ILRUN: variants seen among roughly 807,000 people sequenced by gnomAD.
ILRUN encodes the protein protein ILRUN.
Under a neutral mutation model 33.8 loss-of-function variants are expected in ILRUN, and 3 were observed. The observed-to-expected ratio is 0.09, with a 90% CI of 0.04 to 0.23. The LOEUF is 0.23. ILRUN is among the 10% of genes least tolerant of loss of function. ILRUN has a pLI of 1.00. For synonymous variants in ILRUN, 124 were observed against 138.9 expected, an observed-to-expected ratio of 0.89 and a Z score of 0.75; for missense variants, 210 against 375.1, an observed-to-expected ratio of 0.56 and a Z score of 3.64.
chr6:34,624,742 G>A (rs1201471900), intron 3 of ILRUN, among the ~76,000 whole-genome samples: 3 of 152,090 alleles, frequency 2.0e-5, no homozygotes, highest in Non-Finnish European at 2.9e-5. Context: ...TGTTAGTTTT[G>A]AACAATTAAG....
At chr6:34,677,454 GAT>G (rs1335010714) in intron 1 of ILRUN, among the ~76,000 whole-genome samples, 11 of 152,036 alleles carry the variant, frequency 7.2e-5, no homozygotes, top group African/African-American at 2.7e-4. Flanking sequence ...GATATGGAAA[GAT>G]AACTATAATA....
chr6:34,655,909 G>C (rs1762761604), intron 1 of ILRUN, among the ~76,000 whole-genome samples: 1 of 152,042 alleles, frequency 6.6e-6, no homozygotes, highest in African/African-American at 2.4e-5. Flanking sequence ...GTGAGATCTT[G>C]AGAGGCTGAG....
intron 3 of ILRUN, among the ~76,000 whole-genome samples, chr6:34,607,536 T>C (rs1341071647): frequency 6.6e-6 from 1 of 152,186 alleles, no homozygotes; most frequent in African/African-American, 2.4e-5. Flanking sequence ...ATACCCAATT[T>C]AACACCTGCT....
intron 1 of ILRUN, among the ~76,000 whole-genome samples, chr6:34,691,611 C>A (rs1763651545): frequency 6.6e-6 from 1 of 152,148 alleles, no homozygotes; most frequent in Admixed American, 6.5e-5. Context: ...CCTGGACAAA[C>A]ATGGTAAAAC....
intron 1 of ILRUN, among the ~76,000 whole-genome samples, chr6:34,681,354 C>T (rs1389612631): frequency 1.3e-5 from 2 of 152,172 alleles, no homozygotes; most frequent in Non-Finnish European, 2.9e-5. Flanking sequence ...AAACTGCCCC[C>T]CCTCCCAAGA....
chr6:34,626,269 T>G (rs1762127121), intron 3 of ILRUN, among the ~76,000 whole-genome samples: 1 of 152,194 alleles, frequency 6.6e-6, no homozygotes, highest in African/African-American at 2.4e-5. Flanking sequence ...CCTTCTGAGC[T>G]CAAACAATCT....
chr6:34,687,698 C>CAAAAAA (rs35852723), intron 1 of ILRUN, among the ~76,000 whole-genome samples: 4 of 125,118 alleles, frequency 3.2e-5, no homozygotes, highest in African/African-American at 1.3e-4. Flanking sequence ...ACTCCATCTC[C>CAAAAAA]AAAAAAAAAA....
chr6:34,682,259 T>TTTTTTTTTTTTTTG (rs1562031991), intron 1 of ILRUN, among the ~76,000 whole-genome samples: 2 of 54,330 alleles, frequency 3.7e-5, no homozygotes, highest in African/African-American at 2.7e-4. Flanking sequence ...CTGTTTTTTT[T>TTTTTTTTTTTTTTG]TTTTTTTTTT....
rs183625532 is a variant in ILRUN at position 34,657,117 on chromosome 6, A to G, written c.159-2338T>C. On this transcript the variant is annotated intron_variant, in intron 1 of 4. Transcript: ENST00000374023. ...ATCAGGGAGAATATGGGAGAAAAAT[A>G]AGCCTAGTTTGCAATTTGCTCTTTT... is the stretch of plus-strand genomic sequence containing the variant. 7.6e-4 allele frequency among the ~76,000 whole-genome samples: 116 copies of G among 152,348 alleles called. 2 individuals are homozygous for G. Among genetic ancestry groups the G allele is most frequent in the Admixed American group, 1.2e-3 (19 of 15,308 alleles).
intron 3 of ILRUN, among the ~76,000 whole-genome samples, chr6:34,637,300 T>C (rs1455677584): frequency 6.6e-6 from 1 of 152,222 alleles, no homozygotes; most frequent in Non-Finnish European, 1.5e-5. Flanking sequence ...AAATATGTCA[T>C]CTTTAAAACA....
At chr6:34,686,107 T>C (rs1425394228) in intron 1 of ILRUN, among the ~76,000 whole-genome samples, 2 of 152,060 alleles carry the variant, frequency 1.3e-5, no homozygotes, top group Non-Finnish European at 2.9e-5. Context: ...CATTTGTGAA[T>C]CATAGGACAT....
At chr6:34,597,692 C>T (rs1029629847) in intron 4 of ILRUN, among the ~76,000 whole-genome samples, 4 of 152,188 alleles carry the variant, frequency 2.6e-5, no homozygotes, top group Non-Finnish European at 4.4e-5. Context: ...TTGCCACTCC[C>T]CTACTCAAAA....
At chr6:34,614,433 A>T in intron 3 of ILRUN, among the ~76,000 whole-genome samples, 1 of 104,454 alleles carries the variant, frequency 9.6e-6, no homozygotes, top group South Asian at 2.6e-4. Context: ...AAAAATAATA[A>T]AAAAAAAAAA....
chr6:34,639,689 C>G (rs73411956), intron 3 of ILRUN, among the ~76,000 whole-genome samples: 3,542 of 152,292 alleles, frequency 0.023, 101 homozygotes, highest in African/African-American at 0.064. Flanking sequence ...ATACTCCACC[C>G]TCACTAAACT....
In ILRUN at chr6:34,587,590, T is replaced by A. The variant is rs1012239361; in HGVS notation, c.*2975A>T. 5.2e-5 allele frequency: 8 copies of A among 153,508 alleles called. No homozygotes were observed. The highest frequency in any genetic ancestry group is 1.9e-4 in the African/African-American group (8 of 41,466). 9.5% of individuals were successfully genotyped at this position (153,508 alleles called of 1,614,324 possible). A position where few individuals can be genotyped will look rare whatever the true frequency, so the allele number is the denominator to read the frequency against. ...CAGATTGAATTTGGGGAGGTATTTA[T>A]TCTCATGCCCATTTCCCACCATGGC... On this transcript the variant is annotated 3_prime_UTR_variant, in exon 5 of 5. Coordinates refer to ENST00000374023, the MANE Select transcript of ILRUN (RefSeq NM_024294.4).
intron 2 of ILRUN, among the ~76,000 whole-genome samples, chr6:34,651,734 TA>T (rs10618162): frequency 0.18 from 23,555 of 132,620 alleles, 2,320 homozygotes; most frequent in African/African-American, 0.26. Context: ...CCTCATTTAT[TA>T]AAAAAAAAAA....
intron 3 of ILRUN, among the ~76,000 whole-genome samples, chr6:34,628,757 CGTT>C (rs1762189982): frequency 6.6e-6 from 1 of 151,954 alleles, no homozygotes. Flanking sequence ...ATTAGGGTAA[CGTT>C]GGCCTCACAG....
intron 4 of ILRUN, among the ~76,000 whole-genome samples, chr6:34,604,464 G>C (rs766810122): frequency 1.3e-5 from 2 of 152,246 alleles, no homozygotes; most frequent in Non-Finnish European, 2.9e-5. Flanking sequence ...CGATGGCCAA[G>C]CCAGAAAGCT....
chr6:34,658,652 C>T (rs1328635883), intron 1 of ILRUN, among the ~76,000 whole-genome samples: 1 of 151,838 alleles, frequency 6.6e-6, no homozygotes, highest in Non-Finnish European at 1.5e-5. Context: ...ACTAAAAATA[C>T]AAAACTTAGC....
Sources: allele counts gnomAD v4.1 joint callset (sites outside exome capture counted in the v4.1 genomes callset), GRCh38; gene constraint gnomAD v4.1.1; transcripts MANE v1.5; gene names NCBI Gene and HGNC (gene_info 2026-07-23, HGNC 2026-07-21).